ACSS1: variants seen among roughly 807,000 people sequenced by gnomAD.
The protein encoded by ACSS1 is acetyl-coenzyme A synthetase 2-like, mitochondrial.
In ACSS1, 42 loss-of-function variants were observed where a neutral mutation model predicts 75.3. The ratio of observed to expected loss-of-function variants is 0.56; its 90% CI spans 0.44 to 0.72. The LOEUF (loss-of-function observed/expected upper bound fraction) is 0.72, where lower values mean the gene tolerates loss of function less well. Among genes scored for constraint, ACSS1 ranks in the 30% least tolerant of loss-of-function variants. The probability of loss-of-function intolerance (pLI) is 0.00; values close to 1 mark genes in which losing one functional copy is unlikely to be tolerated. For synonymous variants in ACSS1, 380 were observed against 376.8 expected (o/e 1.01, Z -0.10); for missense variants, 782 against 935.7 (o/e 0.84, Z 2.14).
At chr20:25,015,652 A>G (rs2088504303) in intron 7 of ACSS1, among the ~76,000 whole-genome samples, 1 of 152,222 alleles carries the variant, frequency 6.6e-6, no homozygotes, top group Non-Finnish European at 1.5e-5. Context: ...TTTGAAGAAC[A>G]TACAAGGAGA....
At chr20:25,035,715 C>T (rs1285539682) in intron 2 of ACSS1, among the ~76,000 whole-genome samples, 1 of 152,086 alleles carries the variant, frequency 6.6e-6, no homozygotes, top group Non-Finnish European at 1.5e-5. Context: ...ATTTTTGAAG[C>T]CTGGATTTTT....
chr20:25,044,282 C>A (rs1000272760), intron 2 of ACSS1, among the ~76,000 whole-genome samples: 11 of 152,204 alleles, frequency 7.2e-5, no homozygotes, highest in Admixed American at 7.2e-4. Context: ...GGCCACCCCC[C>A]AGGGTCTCTA....
chr20:25,013,393 C>T (rs1041334816), intron 10 of ACSS1, 143 bp downstream of exon 10: 18 of 1,067,290 alleles, frequency 1.7e-5, no homozygotes, highest in Non-Finnish European at 2.1e-5. Flanking sequence ...GAGAGGGGTG[C>T]GGAGTCAAAC....
At chr20:25,043,647 A>G (rs2089040203) in intron 2 of ACSS1, among the ~76,000 whole-genome samples, 1 of 152,166 alleles carries the variant, frequency 6.6e-6, no homozygotes, top group Non-Finnish European at 1.5e-5. Context: ...GACCCCACCC[A>G]ATAAAAAGGC....
At chr20:25,013,046 C>A in intron 10 of ACSS1, 107 bp from the exon 11 acceptor site, 1 of 1,524,798 alleles carries the variant, frequency 6.6e-7, no homozygotes. Flanking sequence ...TGAAGTCTCG[C>A]CCATCGGCCC....
At chr20:25,052,254 A>C (rs562169520) in intron 1 of ACSS1, among the ~76,000 whole-genome samples, 1 of 152,362 alleles carries the variant, frequency 6.6e-6, no homozygotes, top group Admixed American at 6.5e-5. Context: ...AAATCTGCCC[A>C]AAGAAATGGG....
At position 25,030,936 on chromosome 20, in the gene ACSS1, G is replaced by T. The variant is rs73906050; in HGVS notation, c.454C>A (p.Arg152Ser). ...TGCCTCTTCAGCGTGTTGGCCAGGC[G>T]GCACGTGGTCTCCAGTAGTTCCCTG... Reference protein sequence around the residue: ...TYRELLETTCRLANTLKRHGV... With the variant: ...TYRELLETTCSLANTLKRHGV... The change falls in exon 3 of 14, where the codon CGC becomes AGC. Residue 152 changes from arginine to serine, a missense_variant. Physicochemically the swap from Arg to Ser is moderately radical, Grantham distance 110. Transcript: ENST00000323482. The T allele has an allele frequency of 6.2e-7, 1 of 1,614,134 alleles. No individual in the cohort carries two copies.
At chr20:25,012,551 ATGGGT>A in intron 12 of ACSS1, 45 bp downstream of exon 12, 1 of 1,604,616 alleles carries the variant, frequency 6.2e-7, no homozygotes, top group Non-Finnish European at 8.5e-7. Flanking sequence ...GGTGCCCATA[ATGGGT>A]GTGGGGTCAG....
chr20:25,016,124 C>T (rs1055139706), intron 7 of ACSS1, among the ~76,000 whole-genome samples: 5 of 152,192 alleles, frequency 3.3e-5, no homozygotes, highest in Admixed American at 6.5e-5. Context: ...CGAACCTCCA[C>T]GACCCACAGC....
At chr20:25,045,372 C>T (rs1357512782) in intron 2 of ACSS1, among the ~76,000 whole-genome samples, 1 of 152,148 alleles carries the variant, frequency 6.6e-6, no homozygotes, top group East Asian at 1.9e-4. Flanking sequence ...GCCATGGGCA[C>T]CCGTCCCAGG....
intron 2 of ACSS1, among the ~76,000 whole-genome samples, chr20:25,041,290 A>C (rs143501890): frequency 6.6e-6 from 1 of 151,092 alleles, no homozygotes; most frequent in African/African-American, 2.4e-5. Flanking sequence ...TTAATTTGGA[A>C]GGAAGGTGAG....
chr20:25,021,438 A>G lies in ACSS1; in HGVS notation c.1059T>C (p.Asn353=), dbSNP rs145796861. The G allele has an allele frequency of 6.8e-6, 11 of 1,614,116 alleles. No individual in the cohort carries two copies. The highest frequency in any genetic ancestry group is 9.3e-6 in the Non-Finnish European group (11 of 1,180,044). ...TCTCAAAAAGGACGCTGGTGGCACC[A>G]TTGCAGAGAGGCCCATACACCACGT... ...HSYVVYGPLC[N]GATSVLFEST... is the part of the protein sequence containing the mutation. The change falls in exon 6 of 14, where the codon AAT becomes AAC. Residue 353 remains asparagine (N), a synonymous_variant. Coordinates refer to ENST00000323482, the MANE Select transcript of ACSS1 (RefSeq NM_032501.4).
chr20:25,017,071 C>T (rs2088531094), intron 7 of ACSS1, among the ~76,000 whole-genome samples: 1 of 151,630 alleles, frequency 6.6e-6, no homozygotes, highest in Admixed American at 6.6e-5. Flanking sequence ...TGGCTCACTG[C>T]AACCTCGACT....
At chr20:25,039,710 C>G (rs1026653142) in intron 2 of ACSS1, among the ~76,000 whole-genome samples, 3 of 152,366 alleles carry the variant, frequency 2.0e-5, no homozygotes, top group South Asian at 4.1e-4. Flanking sequence ...GCCCAGGATG[C>G]AGTCAGCTTC....
At chr20:25,035,667 G>A (rs1568842917) in intron 2 of ACSS1, among the ~76,000 whole-genome samples, 1 of 152,056 alleles carries the variant, frequency 6.6e-6, no homozygotes, top group African/African-American at 2.4e-5. Context: ...GCCTCCCAAA[G>A]TGCTGGAATT....
intron 1 of ACSS1, among the ~76,000 whole-genome samples, chr20:25,052,325 G>A (rs2089186165): frequency 6.6e-6 from 1 of 152,194 alleles, no homozygotes; most frequent in Non-Finnish European, 1.5e-5. Context: ...AAGGACCCAT[G>A]GCAATTTAAA....
chr20:25,053,514 G>A (rs760734326), intron 1 of ACSS1, among the ~76,000 whole-genome samples: 14 of 152,100 alleles, frequency 9.2e-5, no homozygotes, highest in African/African-American at 1.4e-4. Flanking sequence ...TGGATTCCTC[G>A]GGAGGATCCT....
Position 25,058,080 on chromosome 20 carries a change from C to T in ACSS1, c.23G>A (p.Arg8His). Reference sequence around the variant, plus strand: ...GCTGCCCAGCAGCCTCCCGACGCCGCGGCCCAGGGTGCGCGCCGCCATCTA... The same window carrying T: ...GCTGCCCAGCAGCCTCCCGACGCCGTGGCCCAGGGTGCGCGCCGCCATCTA... MAARTLG[R>H]GVGRLLGSLR... Residue 8 changes from arginine to histidine, a missense_variant, in exon 1 of 14, where the codon CGC becomes CAC. Arg to His is a conservative substitution (Grantham distance 29). Transcript: ENST00000323482. The T allele has an allele frequency of 7.9e-7, 1 of 1,261,750 alleles. No individual in the cohort carries two copies. The highest frequency in any genetic ancestry group is 9.9e-7 in the Non-Finnish European group (1 of 1,007,134). The allele number at this position is 1,261,750 out of a possible 1,614,324, so 78.2% of individuals were successfully genotyped here. A position where few individuals can be genotyped will look rare whatever the true frequency, so the allele number is the denominator to read the frequency against.
At position 25,014,449 on chromosome 20, in the gene ACSS1, C is replaced by T. The variant is rs114199928; in HGVS notation, c.1340-376G>A. Among the ~76,000 whole-genome samples the T allele has an allele frequency of 6.7e-3, 1,021 of 152,346 alleles. 14 individuals are homozygous for T. Among genetic ancestry groups the T allele is most frequent in the African/African-American group, 0.023 (967 of 41,582 alleles). ...ACAACGAAAAAAGATGCTCTCAAATCCTACCCTCACATTATTTCCAGCCTG... is the reference window on the plus strand; with the variant it reads ...ACAACGAAAAAAGATGCTCTCAAATTCTACCCTCACATTATTTCCAGCCTG... On this transcript the variant is annotated intron_variant, in intron 8 of 13. Coordinates refer to ENST00000323482, the MANE Select transcript of ACSS1 (RefSeq NM_032501.4).
Sources: allele counts gnomAD v4.1 joint callset (sites outside exome capture counted in the v4.1 genomes callset), GRCh38; gene constraint gnomAD v4.1.1; transcripts MANE v1.5; gene names NCBI Gene and HGNC (gene_info 2026-07-23, HGNC 2026-07-21).